NTN1: variants seen among roughly 807,000 people sequenced by gnomAD.
NTN1 encodes netrin 1, also known as netrin-1.
NTN1 carries 11 observed loss-of-function variants against 54.2 expected under a neutral mutation model. The ratio of observed to expected loss-of-function variants is 0.20; its 90% CI spans 0.13 to 0.34. NTN1 has a LOEUF of 0.34. NTN1 is among the 10% of genes least tolerant of loss of function. The probability of loss-of-function intolerance (pLI) is 1.00; values close to 1 mark genes in which losing one functional copy is unlikely to be tolerated. For missense variants in NTN1, 740 were observed against 893.1 expected (o/e 0.83, Z 2.18); for synonymous variants, 371 against 382.0 (o/e 0.97, Z 0.33).
At chr17:9,209,614 CAGAA>C (rs1364770533) in intron 5 of NTN1, among the ~76,000 whole-genome samples, 3 of 152,152 alleles carry the variant, frequency 2.0e-5, no homozygotes, top group Non-Finnish European at 4.4e-5. Flanking sequence ...AGGGAGGCAG[CAGAA>C]AGAAAGGGCA....
At chr17:9,048,040 T>G (rs139988402) in intron 2 of NTN1, among the ~76,000 whole-genome samples, 3 of 152,190 alleles carry the variant, frequency 2.0e-5, no homozygotes. Context: ...TGAATCCTTT[T>G]CAGAAGGTTT....
chr17:9,236,906 C>T (rs1906009772), intron 6 of NTN1, among the ~76,000 whole-genome samples: 1 of 152,180 alleles, frequency 6.6e-6, no homozygotes, highest in African/African-American at 2.4e-5. Flanking sequence ...GAGGGTTGGG[C>T]AGGGCTCACT....
At chr17:9,152,920 T>C (rs1479737318) in intron 2 of NTN1, among the ~76,000 whole-genome samples, 2 of 152,180 alleles carry the variant, frequency 1.3e-5, no homozygotes, top group Non-Finnish European at 2.9e-5. Context: ...CTCTTTCCTC[T>C]TGCTTGCTTG....
At chr17:9,020,232 A>G (rs2091841228), upstream of NTN1, among the ~76,000 whole-genome samples, 1 of 152,248 alleles carries the variant, frequency 6.6e-6, no homozygotes, top group Non-Finnish European at 1.5e-5. Context: ...CGGAACCAGG[A>G]CCTGGGGCTT....
chr17:9,040,576 C>T (rs2151512959), intron 2 of NTN1, among the ~76,000 whole-genome samples: 1 of 152,152 alleles, frequency 6.6e-6, no homozygotes, highest in African/African-American at 2.4e-5. Context: ...AATACTTGTA[C>T]TATTTATTTT....
chr17:9,045,145 G>A (rs2142194079), intron 2 of NTN1, among the ~76,000 whole-genome samples: 1 of 152,350 alleles, frequency 6.6e-6, no homozygotes, highest in Non-Finnish European at 1.5e-5. Context: ...GCAAAGAAGA[G>A]GCCAGAATGA....
intron 2 of NTN1, among the ~76,000 whole-genome samples, chr17:9,061,180 G>A (rs752095213): frequency 6.2e-4 from 95 of 152,260 alleles, no homozygotes; most frequent in African/African-American, 2.2e-3. Context: ...TTCTAGGGAG[G>A]TGGAGAAGGC....
intron 3 of NTN1, among the ~76,000 whole-genome samples, chr17:9,164,291 G>C (rs2092367562): frequency 6.6e-6 from 1 of 152,188 alleles, no homozygotes; most frequent in African/African-American, 2.4e-5. Flanking sequence ...TGGGTGTGGT[G>C]GCGGTTGCCT....
chr17:9,076,495 C>G (rs1001830221), intron 2 of NTN1, among the ~76,000 whole-genome samples: 2 of 152,152 alleles, frequency 1.3e-5, no homozygotes, highest in African/African-American at 4.8e-5. Flanking sequence ...ACCTCAGCAT[C>G]CCGAGTAGCT....
intron 2 of NTN1, among the ~76,000 whole-genome samples, chr17:9,152,903 C>T (rs534207252): frequency 6.6e-6 from 1 of 152,258 alleles, no homozygotes; most frequent in African/African-American, 2.4e-5. Context: ...CACATCAGGC[C>T]CCAGCTCTCT....
chr17:9,009,343 G>C, the NTN1 span, among the ~76,000 whole-genome samples: 1 of 152,178 alleles, frequency 6.6e-6, no homozygotes, highest in Non-Finnish European at 1.5e-5. Flanking sequence ...CAGGTGCTTG[G>C]CCAGAGGCTA....
In NTN1 at chr17:9,229,101, TGACTGTGA is replaced by T. The variant is rs1905716901; in HGVS notation, c.1486+7861_1486+7868del. Among the ~76,000 whole-genome samples, 8 of 2,534 alleles carry T rather than the reference TGACTGTGA, an allele frequency of 3.2e-3. No homozygotes were observed. In the South Asian group the frequency reaches 0.051, roughly 16 times the overall value. 1.7% of individuals were successfully genotyped at this position (2,534 alleles called of 152,430 possible). On this transcript the variant is annotated intron_variant, in intron 6 of 6. Coordinates refer to ENST00000173229, the MANE Select transcript of NTN1 (RefSeq NM_004822.3). ...GTGACTGTGTGTGTGACTGAGACTG[TGACTGTGA>T]GTGTGTGACTGTGTTACTGTGAGTG... is the stretch of plus-strand genomic sequence containing the variant.
intron 2 of NTN1, among the ~76,000 whole-genome samples, chr17:9,071,401 T>TCATTGTATTAGAAATGTGA (rs2092031537): frequency 5.3e-5 from 8 of 152,138 alleles, no homozygotes; most frequent in African/African-American, 1.2e-4. Context: ...CGTTTCACAT[T>TCATTGTATTAGAAATGTGA]CTCAGTAATT....
chr17:9,082,032 G>C (rs936608307), intron 2 of NTN1, among the ~76,000 whole-genome samples: 1 of 152,102 alleles, frequency 6.6e-6, no homozygotes. Flanking sequence ...AGACAAGCCT[G>C]AAGTTATCTG....
intron 2 of NTN1, among the ~76,000 whole-genome samples, chr17:9,111,708 A>T (rs1405253514): frequency 2.0e-5 from 3 of 152,244 alleles, no homozygotes; most frequent in African/African-American, 7.2e-5. Flanking sequence ...TATGTATTAT[A>T]TACTGTATTC....
chr17:9,230,515 G>A (rs1905772070), intron 6 of NTN1, among the ~76,000 whole-genome samples: 1 of 151,582 alleles, frequency 6.6e-6, no homozygotes, highest in Admixed American at 6.6e-5. Context: ...GAGTCAGTCT[G>A]AGGTCGTGGA....
At chr17:9,227,107 T>TC (rs1352838218) in intron 6 of NTN1, among the ~76,000 whole-genome samples, 3 of 150,508 alleles carry the variant, frequency 2.0e-5, no homozygotes, top group African/African-American at 7.5e-5. Context: ...CATCCTCACC[T>TC]CCTCCTGTCT....
chr17:9,034,249 G>A (rs2091896384), intron 2 of NTN1, among the ~76,000 whole-genome samples: 1 of 152,102 alleles, frequency 6.6e-6, no homozygotes, highest in Admixed American at 6.5e-5. Flanking sequence ...GGGCTCAGAG[G>A]AGGGGTACAG....
At chr17:9,226,501 T>TCTCGTGGGGAGGC (rs1905564130) in intron 6 of NTN1, among the ~76,000 whole-genome samples, 1 of 24,022 alleles carries the variant, frequency 4.2e-5, no homozygotes, top group Non-Finnish European at 6.2e-5. Context: ...CGTGGGGAGG[T>TCTCGTGGGGAGGC]GGTCTCGTGG....
Sources: allele counts gnomAD v4.1 joint callset (sites outside exome capture counted in the v4.1 genomes callset), GRCh38; gene constraint gnomAD v4.1.1; transcripts MANE v1.5; gene names NCBI Gene and HGNC (gene_info 2026-07-23, HGNC 2026-07-21).